Variants in ADGRL3 observed in about 807,000 individuals in gnomAD.
The protein encoded by ADGRL3 is adhesion G protein-coupled receptor L3.
ADGRL3 carries 62 observed loss-of-function variants against 153.5 expected under a neutral mutation model. That is an observed-to-expected ratio of 0.40 (90% CI 0.33 to 0.50). ADGRL3 has a LOEUF of 0.50. ADGRL3 is among the 20% of genes least tolerant of loss of function. The pLI is 0.47. For synonymous variants in ADGRL3, 710 were observed against 672.5 expected (o/e 1.06, Z -0.86); for missense variants, 1,641 against 1,859.4 (o/e 0.88, Z 2.16).
At chr4:61,864,931 T>C (rs1384586310) in intron 9 of ADGRL3, among the ~76,000 whole-genome samples, 3 of 152,196 alleles carry the variant, frequency 2.0e-5, no homozygotes, top group Non-Finnish European at 2.9e-5. Flanking sequence ...ATTTTGTTGT[T>C]GTTTTGTTTG....
At chr4:61,573,324 T>A (rs1355804277) in intron 4 of ADGRL3, among the ~76,000 whole-genome samples, 1 of 152,022 alleles carries the variant, frequency 6.6e-6, no homozygotes, top group Non-Finnish European at 1.5e-5. Flanking sequence ...ATCATTAAAG[T>A]ACACAGATTT....
intron 2 of ADGRL3, among the ~76,000 whole-genome samples, chr4:61,469,077 A>G (rs530573562): frequency 1.3e-5 from 2 of 152,086 alleles, no homozygotes; most frequent in Non-Finnish European, 2.9e-5. Flanking sequence ...AGAATTTTCT[A>G]TGTTCCTATT....
chr4:61,415,905 G>A (rs895449728), intron 2 of ADGRL3, among the ~76,000 whole-genome samples: 1 of 151,898 alleles, frequency 6.6e-6, no homozygotes, highest in Non-Finnish European at 1.5e-5. Flanking sequence ...TCCTGACACT[G>A]ACATATGCAT....
intron 5 of ADGRL3, among the ~76,000 whole-genome samples, chr4:61,589,410 C>A (rs573725767): frequency 6.6e-6 from 1 of 152,024 alleles, no homozygotes; most frequent in African/African-American, 2.4e-5. Context: ...TTATAATGAA[C>A]GTAGTTACAC....
At chr4:61,882,004 C>G (rs961907670) in intron 9 of ADGRL3, among the ~76,000 whole-genome samples, 6 of 152,122 alleles carry the variant, frequency 3.9e-5, no homozygotes, top group Non-Finnish European at 7.4e-5. Context: ...CTGAATCTCC[C>G]AGTTTGTTTC....
chr4:62,005,722 G>C (rs1480483462), intron 21 of ADGRL3, among the ~76,000 whole-genome samples: 1 of 151,602 alleles, frequency 6.6e-6, no homozygotes, highest in Admixed American at 6.6e-5. Flanking sequence ...TCCCCCAAAT[G>C]GTGAAGAGTA....
chr4:61,806,108 G>T (rs1432623724), intron 8 of ADGRL3, among the ~76,000 whole-genome samples: 3 of 152,150 alleles, frequency 2.0e-5, no homozygotes, highest in Admixed American at 2.0e-4. Flanking sequence ...CGATGTCTAA[G>T]AGATTCTGGT....
At chr4:61,811,148 A>C (rs1019141222) in intron 8 of ADGRL3, among the ~76,000 whole-genome samples, 2 of 152,148 alleles carry the variant, frequency 1.3e-5, no homozygotes, top group African/African-American at 4.8e-5. Context: ...GAATATATCC[A>C]AGAAAAATGC....
At chr4:61,798,973 A>G (rs371056894) in intron 8 of ADGRL3, among the ~76,000 whole-genome samples, 1 of 139,716 alleles carries the variant, frequency 7.2e-6, no homozygotes, top group African/African-American at 2.6e-5. Context: ...ATGTATTATA[A>G]CATTATTATA....
chr4:61,679,122 G>A (rs1332642953), intron 6 of ADGRL3, among the ~76,000 whole-genome samples: 2 of 151,938 alleles, frequency 1.3e-5, no homozygotes, highest in African/African-American at 2.4e-5. Flanking sequence ...GCATCTACTC[G>A]GCTTCTGGTG....
chr4:61,526,141 C>T (rs542096671), intron 4 of ADGRL3, among the ~76,000 whole-genome samples: 8 of 152,214 alleles, frequency 5.3e-5, no homozygotes, highest in East Asian at 3.9e-4. Flanking sequence ...TCTTACGCTT[C>T]GCCCCTTGGC....
intron 9 of ADGRL3, among the ~76,000 whole-genome samples, chr4:61,824,017 G>A (rs7679793): frequency 2.0e-5 from 3 of 151,814 alleles, no homozygotes; most frequent in Admixed American, 6.6e-5. Context: ...AGCCCAGATC[G>A]TACCACTGCA....
At chr4:61,697,219 A>G (rs1187801558) in intron 6 of ADGRL3, among the ~76,000 whole-genome samples, 2 of 152,176 alleles carry the variant, frequency 1.3e-5, no homozygotes, top group African/African-American at 4.8e-5. Context: ...CAAAAATATG[A>G]CATATCAGGT....
intron 4 of ADGRL3, among the ~76,000 whole-genome samples, chr4:61,519,164 C>A (rs1443880826): frequency 6.6e-6 from 1 of 152,156 alleles, no homozygotes; most frequent in Non-Finnish European, 1.5e-5. Context: ...TCTCTTCTGA[C>A]AAAAATTCAG....
At chr4:61,505,058 T>C (rs2098418466) in intron 3 of ADGRL3, among the ~76,000 whole-genome samples, 1 of 152,174 alleles carries the variant, frequency 6.6e-6, no homozygotes, top group Admixed American at 6.5e-5. Flanking sequence ...GCTGCACTAT[T>C]TATATTCCCA....
chr4:61,392,295 G>A (rs542091545), intron 2 of ADGRL3, among the ~76,000 whole-genome samples: 2 of 151,964 alleles, frequency 1.3e-5, no homozygotes, highest in Non-Finnish European at 2.9e-5. Flanking sequence ...AACTGTTTTC[G>A]GTACTGGATG....
At chr4:61,854,511 C>G (rs1469509532) in intron 9 of ADGRL3, among the ~76,000 whole-genome samples, 1 of 152,034 alleles carries the variant, frequency 6.6e-6, no homozygotes, top group Non-Finnish European at 1.5e-5. Context: ...TGGATTATCT[C>G]CTAGAATATA....
chr4:61,610,111 C>A, intron 5 of ADGRL3, among the ~76,000 whole-genome samples: 1 of 148,764 alleles, frequency 6.7e-6, no homozygotes. Flanking sequence ...TTTTTATGAG[C>A]ATTTTAGTTT....
intron 1 of ADGRL3, among the ~76,000 whole-genome samples, chr4:61,312,535 C>T (rs78625608): frequency 1.6e-4 from 24 of 152,092 alleles, no homozygotes; most frequent in African/African-American, 5.8e-4. Context: ...CATACAAAAA[C>T]TTCTTAAAAC....
Sources: allele counts gnomAD v4.1 joint callset (sites outside exome capture counted in the v4.1 genomes callset), GRCh38; gene constraint gnomAD v4.1.1; transcripts MANE v1.5; gene names NCBI Gene and HGNC (gene_info 2026-07-23, HGNC 2026-07-21).